Variants in GREB1L observed in about 807,000 individuals in gnomAD.
The protein encoded by GREB1L is GREB1-like protein.
GREB1L carries 17 observed loss-of-function variants against 200.8 expected under a neutral mutation model. The observed-to-expected ratio is 0.08, with a 90% confidence interval of 0.06 to 0.13. GREB1L has a LOEUF of 0.13. Among genes scored for constraint, GREB1L ranks in the 10% least tolerant of loss-of-function variants. The pLI is 1.00. For synonymous variants in GREB1L, 789 were observed against 893.0 expected, an observed-to-expected ratio of 0.88 and a Z score of 2.08; for missense variants, 1,657 against 2,367.7, an observed-to-expected ratio of 0.70 and a Z score of 6.23.
intron 17 of GREB1L, among the ~76,000 whole-genome samples, chr18:21,483,522 C>A (rs1218028009): frequency 6.6e-6 from 1 of 152,124 alleles, no homozygotes; most frequent in Non-Finnish European, 1.5e-5. Context: ...GAACATATTC[C>A]GGTGCTCTCA....
At chr18:21,276,689 G>T (rs918763652) in intron 1 of GREB1L, among the ~76,000 whole-genome samples, 7 of 151,888 alleles carry the variant, frequency 4.6e-5, no homozygotes, top group Non-Finnish European at 1.0e-4. Flanking sequence ...TTTATTGTAA[G>T]CATTTTATCT....
In GREB1L at chr18:21,440,341, C is replaced by G; in HGVS notation, c.1022C>G (p.Pro341Arg). ...GWYPGSPLPQPGLVVPVPTVR... is the reference protein window; with the variant it reads ...GWYPGSPLPQRGLVVPVPTVR... ...TATCCTGGGTCACCTCTCCCCCAAC[C>G]TGGCTTAGTTGTACCTGTCCCTACA... The change falls in exon 9 of 33, where the codon CCT becomes CGT. Residue 341 changes from proline to arginine, a missense_variant. Around this residue, in one of 9 missense-constraint regions of GREB1L, gnomAD observed 289 missense variants for 345.1 expected, o/e 0.84. Transcript: ENST00000424526. 1 of 1,551,700 alleles carries G rather than the reference C, an allele frequency of 6.4e-7. No individual in the cohort carries two copies. The highest frequency in any genetic ancestry group is 8.7e-7 in the Non-Finnish European group (1 of 1,146,748).
intron 1 of GREB1L, among the ~76,000 whole-genome samples, chr18:21,272,324 C>T (rs1427330687): frequency 1.3e-5 from 2 of 152,308 alleles, no homozygotes; most frequent in African/African-American, 4.8e-5. Context: ...TCCTTCACAT[C>T]AGCCACGTTC....
intron 1 of GREB1L, among the ~76,000 whole-genome samples, chr18:21,261,880 T>A (rs2037895720): frequency 6.6e-6 from 1 of 152,130 alleles, no homozygotes; most frequent in African/African-American, 2.4e-5. Flanking sequence ...TTTTATTTTC[T>A]AAATACCTTT....
chr18:21,439,674 T>C (rs898818396), intron 8 of GREB1L, 37 bp downstream of exon 8: 1 of 1,252,522 alleles, frequency 8.0e-7, no homozygotes, highest in Non-Finnish European at 1.1e-6. Context: ...AATAATGCAC[T>C]TACCAGTGGT....
intron 7 of GREB1L, among the ~76,000 whole-genome samples, chr18:21,413,491 T>C (rs1287275348): frequency 6.6e-6 from 1 of 152,196 alleles, no homozygotes; most frequent in Admixed American, 6.5e-5. Flanking sequence ...TAAAACAGTC[T>C]CTTTTTTTTC....
intron 28 of GREB1L, 97 bp from the exon 29 acceptor site, chr18:21,515,320 G>C: frequency 1.2e-6 from 1 of 803,134 alleles, no homozygotes; most frequent in Non-Finnish European, 2.0e-6. Context: ...TTTTATCCTT[G>C]AGAGTATTAC....
At position 21,522,752 on chromosome 18, in the gene GREB1L, G is replaced by A. The variant is rs1029683815; in HGVS notation, c.5703G>A (p.Arg1901=). 31 of 1,551,532 alleles carry A rather than the reference G, an allele frequency of 2.0e-5. No homozygotes were observed. In the African/African-American group the frequency reaches 4.1e-4, roughly 21 times the overall value. The change falls in exon 33 of 33, where the codon CGG becomes CGA. Residue 1901 remains arginine, a synonymous_variant. Coordinates refer to ENST00000424526, the MANE Select transcript of GREB1L (RefSeq NM_001142966.3). ...AAGATGAGTGGCAGTTCCGCCTCCGGGACGAGTTTCAAACTGCTAACAGCA... is the reference window on the plus strand; with the variant it reads ...AAGATGAGTGGCAGTTCCGCCTCCGAGACGAGTTTCAAACTGCTAACAGCA... ...ELEDEWQFRL[R]DEFQTANSSD...
At chr18:21,461,717 T>C (rs1325677595) in intron 15 of GREB1L, among the ~76,000 whole-genome samples, 1 of 152,180 alleles carries the variant, frequency 6.6e-6, no homozygotes, top group Non-Finnish European at 1.5e-5. Context: ...CTGTGTGTTG[T>C]AGTTGCATGT....
At chr18:21,392,698 G>C (rs1204965454) in intron 4 of GREB1L, among the ~76,000 whole-genome samples, 1 of 151,776 alleles carries the variant, frequency 6.6e-6, no homozygotes, top group Non-Finnish European at 1.5e-5. Context: ...GAGGTTTGGT[G>C]ACCCAAACTA....
chr18:21,512,404 A>G (rs1222144067), intron 27 of GREB1L, among the ~76,000 whole-genome samples: 1 of 152,078 alleles, frequency 6.6e-6, no homozygotes, highest in Non-Finnish European at 1.5e-5. Context: ...TTGCCTCCTT[A>G]GTTGATTCCT....
intron 9 of GREB1L, among the ~76,000 whole-genome samples, chr18:21,441,081 G>A (rs760244079): frequency 1.1e-4 from 16 of 152,124 alleles, no homozygotes; most frequent in Non-Finnish European, 2.1e-4. Flanking sequence ...GTAATGAACA[G>A]ATATATGCCT....
chr18:21,410,553 G>A (rs1246819427), intron 7 of GREB1L, among the ~76,000 whole-genome samples: 2 of 151,914 alleles, frequency 1.3e-5, no homozygotes, highest in Non-Finnish European at 2.9e-5. Context: ...TACTGGGAAG[G>A]CTGAGGCAGG....
intron 1 of GREB1L, among the ~76,000 whole-genome samples, chr18:21,304,645 CAGATTGGGAACCTATTCTGG>C (rs1567929379): frequency 6.6e-6 from 1 of 152,118 alleles, no homozygotes; most frequent in Non-Finnish European, 1.5e-5. Context: ...AAGAAGCAGA[CAGATTGGGAACCTATTCTGG>C]AGATAGCCTT....
intron 1 of GREB1L, among the ~76,000 whole-genome samples, chr18:21,272,738 G>T (rs1425570484): frequency 6.6e-6 from 1 of 151,978 alleles, no homozygotes; most frequent in Non-Finnish European, 1.5e-5. Context: ...AAACTCAGAG[G>T]GTGAAGACTA....
intron 15 of GREB1L, among the ~76,000 whole-genome samples, chr18:21,457,788 G>A (rs545048781): frequency 1.3e-5 from 2 of 152,062 alleles, no homozygotes; most frequent in African/African-American, 2.4e-5. Context: ...AAATTGCTCC[G>A]GGTAGAATAA....
chr18:21,350,989 T>G (rs80141224), intron 1 of GREB1L, among the ~76,000 whole-genome samples: 3,894 of 152,170 alleles, frequency 0.026, 169 homozygotes, highest in African/African-American at 0.088. Flanking sequence ...GTGGTGGTGG[T>G]GGGGGAGTTT....
intron 1 of GREB1L, among the ~76,000 whole-genome samples, chr18:21,247,966 G>A (rs1453528336): frequency 6.6e-6 from 1 of 152,160 alleles, no homozygotes; most frequent in Admixed American, 6.5e-5. Context: ...GTTCTAGGGA[G>A]TAAGAAACCT....
intron 1 of GREB1L, among the ~76,000 whole-genome samples, chr18:21,253,541 G>A (rs970847817): frequency 5.7e-4 from 87 of 152,150 alleles, no homozygotes; most frequent in Admixed American, 2.6e-4. Context: ...GTGAGCCACC[G>A]TGCTCACTTA....
Sources: allele counts gnomAD v4.1 joint callset (sites outside exome capture counted in the v4.1 genomes callset), GRCh38; gene constraint gnomAD v4.1.1; regional missense constraint gnomAD v4.1.1; transcripts MANE v1.5; gene names NCBI Gene and HGNC (gene_info 2026-07-23, HGNC 2026-07-21).